MCPH1: variants seen among roughly 807,000 people sequenced by gnomAD.
MCPH1 encodes microcephalin.
In MCPH1, 104 loss-of-function variants were observed where a neutral mutation model predicts 84.5. That is an observed-to-expected ratio of 1.23 (90% CI 1.05 to 1.45). The LOEUF is 1.45. MCPH1 is among the 40% of genes most tolerant of loss of function. The probability of loss-of-function intolerance (pLI) is 0.00; values close to 1 mark genes in which losing one functional copy is unlikely to be tolerated. For synonymous variants in MCPH1, 514 were observed against 366.8 expected, an observed-to-expected ratio of 1.40 and a Z score of -4.58; for missense variants, 1,498 against 1,005.7, an observed-to-expected ratio of 1.49 and a Z score of -6.62.
At chr8:6,514,085 C>T (rs1299764238) in intron 12 of MCPH1, among the ~76,000 whole-genome samples, 2 of 152,122 alleles carry the variant, frequency 1.3e-5, no homozygotes, top group East Asian at 3.8e-4. Flanking sequence ...GGGGAGCCAC[C>T]AGCAGAAGCC....
At chr8:6,502,463 A>G (rs1250397501) in intron 12 of MCPH1, 1 of 152,240 alleles carries the variant, frequency 6.6e-6, no homozygotes, top group Non-Finnish European at 1.5e-5. Context: ...TTTGAGCATT[A>G]ACTTATAACT....
intron 1 of MCPH1, among the ~76,000 whole-genome samples, chr8:6,407,617 G>C (rs540580741): frequency 6.6e-6 from 1 of 152,312 alleles, no homozygotes; most frequent in South Asian, 2.1e-4. Flanking sequence ...GTAAAGACTA[G>C]AGGCTTTATA....
intron 13 of MCPH1, among the ~76,000 whole-genome samples, chr8:6,641,628 C>T (rs1322705430): frequency 5.3e-5 from 8 of 152,090 alleles, no homozygotes; most frequent in East Asian, 1.9e-4. Context: ...CCTGTAGTCC[C>T]GGCTACCTGG....
chr8:6,622,071 C>T (rs1831488811), intron 13 of MCPH1: 1 of 360,372 alleles, frequency 2.8e-6, no homozygotes, highest in Non-Finnish European at 5.6e-6. Context: ...CTGGCAGCGC[C>T]CGGCACTGGG....
At chr8:6,571,753 T>C (rs566939230) in intron 12 of MCPH1, among the ~76,000 whole-genome samples, 67 of 152,322 alleles carry the variant, frequency 4.4e-4, no homozygotes, top group African/African-American at 1.6e-3. Flanking sequence ...CCCATCCATC[T>C]GGCGGACTTA....
At chr8:6,552,295 T>C (rs1275289854) in intron 12 of MCPH1, among the ~76,000 whole-genome samples, 1 of 152,170 alleles carries the variant, frequency 6.6e-6, no homozygotes, top group Non-Finnish European at 1.5e-5. Context: ...CATATGACGA[T>C]GGAATGTGGC....
At chr8:6,446,994 A>T (rs1804489521) in intron 8 of MCPH1, 1 of 984,842 alleles carries the variant, frequency 1.0e-6, no homozygotes, top group Admixed American at 6.2e-5. Context: ...TCAGTGGTGC[A>T]GGCCATCAGG....
Position 6,444,644 on chromosome 8 carries a change from G to C in MCPH1, c.922G>C (p.Gly308Arg). 6.2e-7 allele frequency: 1 copy of C among 1,614,110 alleles called. No homozygotes were observed. The highest frequency in any genetic ancestry group is 8.5e-7 in the Non-Finnish European group (1 of 1,180,026). The change falls in exon 8 of 14, where the codon GGT becomes CGT. Residue 308 changes from glycine to arginine, a missense_variant. Coordinates refer to ENST00000344683, the MANE Select transcript of MCPH1 (RefSeq NM_024596.5). ...EEINLQRNIA[G>R]KVVTPDQKQA... ...AATAAACTTGCAAAGAAATATTGCA[G>C]GTAAAGTAGTCACCCCTGACCAAAA...
intron 12 of MCPH1, among the ~76,000 whole-genome samples, chr8:6,609,121 AC>A (rs1563183269): frequency 6.8e-4 from 103 of 152,326 alleles, no homozygotes; most frequent in African/African-American, 2.5e-3. Context: ...CACCTATCAG[AC>A]CATTTTTTAA....
intron 12 of MCPH1, among the ~76,000 whole-genome samples, chr8:6,584,388 T>A (rs963719159): frequency 6.6e-6 from 1 of 152,264 alleles, no homozygotes; most frequent in Non-Finnish European, 1.5e-5. Context: ...CCAAAACATA[T>A]ACCAACTGAT....
chr8:6,631,936 T>C (rs1230475621), intron 13 of MCPH1, among the ~76,000 whole-genome samples: 1 of 152,230 alleles, frequency 6.6e-6, no homozygotes, highest in Non-Finnish European at 1.5e-5. Flanking sequence ...GAAGCCCAAG[T>C]GTTCATCAGT....
At chr8:6,623,137 G>T (rs1268092804) in intron 13 of MCPH1, among the ~76,000 whole-genome samples, 1 of 151,246 alleles carries the variant, frequency 6.6e-6, no homozygotes, top group Non-Finnish European at 1.5e-5. Flanking sequence ...ACAGGTGTGA[G>T]CCACTGCACC....
At chr8:6,491,568 G>A (rs1486331018) in intron 11 of MCPH1, among the ~76,000 whole-genome samples, 1 of 151,552 alleles carries the variant, frequency 6.6e-6, no homozygotes, top group East Asian at 1.9e-4. Flanking sequence ...CTGGTGTGCT[G>A]CACTCATTAA....
intron 12 of MCPH1, among the ~76,000 whole-genome samples, chr8:6,532,719 G>A (rs1355396756): frequency 2.0e-5 from 3 of 151,996 alleles, no homozygotes; most frequent in Non-Finnish European, 4.4e-5. Flanking sequence ...TGTAAAGGAG[G>A]GAGACAAGCT....
At chr8:6,622,761 C>G (rs148719295) in intron 13 of MCPH1, among the ~76,000 whole-genome samples, 1 of 152,342 alleles carries the variant, frequency 6.6e-6, no homozygotes, top group East Asian at 1.9e-4. Flanking sequence ...CCTGGTATCT[C>G]TGTGTGTGTC....
chr8:6,434,399 A>G (rs1170868802), intron 4 of MCPH1, among the ~76,000 whole-genome samples: 4 of 152,172 alleles, frequency 2.6e-5, no homozygotes, highest in African/African-American at 9.6e-5. Flanking sequence ...TCTGTCCCCA[A>G]ACTTCCCGGA....
chr8:6,514,729 C>G, intron 12 of MCPH1: 1 of 1,614,068 alleles, frequency 6.2e-7, no homozygotes, highest in Non-Finnish European at 8.5e-7. Context: ...ATCCTCACGT[C>G]GCTGAATAAT....
chr8:6,433,101 G>A (rs185605926), intron 4 of MCPH1, among the ~76,000 whole-genome samples: 9 of 152,200 alleles, frequency 5.9e-5, no homozygotes, highest in Admixed American at 5.2e-4. Context: ...TAACAATATG[G>A]TTTTGACCAT....
intron 13 of MCPH1, chr8:6,626,067 C>G (rs1832045648): frequency 2.0e-6 from 2 of 985,412 alleles, no homozygotes; most frequent in Non-Finnish European, 1.2e-6. Context: ...TGTTCCTGCA[C>G]AGTCTGCCTC....
Sources: allele counts gnomAD v4.1 joint callset (sites outside exome capture counted in the v4.1 genomes callset), GRCh38; gene constraint gnomAD v4.1.1; transcripts MANE v1.5; gene names NCBI Gene and HGNC (gene_info 2026-07-23, HGNC 2026-07-21).